Variants in PHYHIPL observed in about 807,000 individuals in gnomAD.
PHYHIPL encodes phytanoyl-CoA 2-hydroxylase interacting protein like.
In PHYHIPL, 9 loss-of-function variants were observed where a neutral mutation model predicts 33.4. The ratio of observed to expected loss-of-function variants is 0.27; its 90% CI spans 0.16 to 0.47. PHYHIPL has a LOEUF of 0.47. Among genes scored for constraint, PHYHIPL ranks in the 20% least tolerant of loss-of-function variants. The pLI is 0.99. For synonymous variants in PHYHIPL, 153 were observed against 154.1 expected, an observed-to-expected ratio of 0.99 and a Z score of 0.05; for missense variants, 365 against 460.7, an observed-to-expected ratio of 0.79 and a Z score of 1.90.
chr10:59,222,928 C>T (rs1012989805), intron 1 of PHYHIPL, among the ~76,000 whole-genome samples: 1 of 152,146 alleles, frequency 6.6e-6, no homozygotes, highest in Non-Finnish European at 1.5e-5. Context: ...AACCTCATTT[C>T]ATACTCATTT....
At chr10:59,206,704 G>A in intron 1 of PHYHIPL, 1 of 869,660 alleles carries the variant, frequency 1.1e-6, no homozygotes, top group South Asian at 1.9e-5. Flanking sequence ...ACAGAAAATT[G>A]TAAAAGTACA....
chr10:59,238,868 C>A, intron 4 of PHYHIPL, 163 bp downstream of exon 4: 1 of 529,308 alleles, frequency 1.9e-6, no homozygotes, highest in Non-Finnish European at 3.3e-6. Context: ...AGAAAAAGAT[C>A]ATGGGATTTT....
At chr10:59,193,359 AT>A (rs1323820248) in intron 1 of PHYHIPL, among the ~76,000 whole-genome samples, 2 of 152,100 alleles carry the variant, frequency 1.3e-5, no homozygotes, top group Non-Finnish European at 2.9e-5. Flanking sequence ...CACTGGATTA[AT>A]TTTTTCCCCT....
intron 1 of PHYHIPL, among the ~76,000 whole-genome samples, chr10:59,229,833 C>T (rs1840026525): frequency 6.6e-6 from 1 of 152,046 alleles, no homozygotes; most frequent in Non-Finnish European, 1.5e-5. Flanking sequence ...CTGGCCAAGA[C>T]TCAGCCATTG....
intron 1 of PHYHIPL, among the ~76,000 whole-genome samples, chr10:59,178,847 C>A (rs1271359967): frequency 6.6e-6 from 1 of 152,038 alleles, no homozygotes; most frequent in African/African-American, 2.4e-5. Context: ...AATTAGGAAT[C>A]CCACAAAATG....
At chr10:59,194,095 T>G (rs1376542544) in intron 1 of PHYHIPL, among the ~76,000 whole-genome samples, 1 of 149,334 alleles carries the variant, frequency 6.7e-6, no homozygotes, top group Admixed American at 6.7e-5. Flanking sequence ...TTTTTTTTTT[T>G]TTTTTTGAGG....
chr10:59,192,923 G>C (rs1403465304), intron 1 of PHYHIPL, among the ~76,000 whole-genome samples: 1 of 152,144 alleles, frequency 6.6e-6, no homozygotes, highest in Non-Finnish European at 1.5e-5. Context: ...GGAATATCTA[G>C]ATGGAAATTT....
intron 1 of PHYHIPL, among the ~76,000 whole-genome samples, chr10:59,196,323 T>G (rs896853282): frequency 6.6e-6 from 1 of 151,098 alleles, no homozygotes; most frequent in African/African-American, 2.4e-5. Flanking sequence ...AAATTGCTAT[T>G]TTGCCCAGTC....
intron 3 of PHYHIPL, among the ~76,000 whole-genome samples, chr10:59,237,566 C>A (rs533896329): frequency 6.6e-6 from 1 of 151,986 alleles, no homozygotes; most frequent in South Asian, 2.1e-4. Flanking sequence ...TTGTCAATAA[C>A]CTTGACTCTA....
At chr10:59,185,139 C>T (rs11006396) in intron 1 of PHYHIPL, among the ~76,000 whole-genome samples, 4 of 151,262 alleles carry the variant, frequency 2.6e-5, no homozygotes, top group South Asian at 2.1e-4. Context: ...TACAGGCGCC[C>T]GCCACTACGC....
At chr10:59,231,214 T>TA (rs1235971484) in intron 1 of PHYHIPL, among the ~76,000 whole-genome samples, 1 of 152,000 alleles carries the variant, frequency 6.6e-6, no homozygotes, top group African/African-American at 2.4e-5. Context: ...AATTGAAACA[T>TA]AAATATGATA....
At chr10:59,233,845 G>T (rs1017281363) in intron 1 of PHYHIPL, among the ~76,000 whole-genome samples, 1 of 151,694 alleles carries the variant, frequency 6.6e-6, no homozygotes, top group Non-Finnish European at 1.5e-5. Flanking sequence ...TGTATATGTA[G>T]TAAAACCATT....
At chr10:59,177,565 G>T (rs897261395) in intron 1 of PHYHIPL, 13 of 1,551,602 alleles carry the variant, frequency 8.4e-6, no homozygotes, top group Non-Finnish European at 1.1e-5. Flanking sequence ...CTCTGAGTCA[G>T]ACTGTCGAAA....
intron 1 of PHYHIPL, among the ~76,000 whole-genome samples, chr10:59,203,547 G>A (rs1839190126): frequency 6.6e-6 from 1 of 151,822 alleles, no homozygotes; most frequent in Non-Finnish European, 1.5e-5. Context: ...ACTGGATTAA[G>A]AAAATGTGGC....
At chr10:59,241,574 G>A (rs1190829898) in intron 4 of PHYHIPL, among the ~76,000 whole-genome samples, 1 of 152,088 alleles carries the variant, frequency 6.6e-6, no homozygotes, top group East Asian at 1.9e-4. Flanking sequence ...GTGTCAAATT[G>A]TATATCCTCA....
chr10:59,178,468 G>A (rs1320831488), intron 1 of PHYHIPL, among the ~76,000 whole-genome samples: 1 of 152,088 alleles, frequency 6.6e-6, no homozygotes, highest in East Asian at 1.9e-4. Flanking sequence ...TTGGATTTTA[G>A]TTTAGACTTT....
chr10:59,190,425 C>A (rs1212923594), intron 1 of PHYHIPL, among the ~76,000 whole-genome samples: 2 of 151,820 alleles, frequency 1.3e-5, no homozygotes, highest in Non-Finnish European at 1.5e-5. Context: ...AGAATCGATT[C>A]ATCAGTCATT....
intron 4 of PHYHIPL, among the ~76,000 whole-genome samples, chr10:59,239,046 G>A (rs1840313312): frequency 6.6e-6 from 1 of 151,782 alleles, no homozygotes; most frequent in African/African-American, 2.4e-5. Context: ...CTTTTCATGG[G>A]TCTTTTTAAG....
chr10:59,208,292 T>G (rs1421369701), intron 1 of PHYHIPL, among the ~76,000 whole-genome samples: 1 of 152,026 alleles, frequency 6.6e-6, no homozygotes, highest in East Asian at 1.9e-4. Context: ...GGATCTGGAG[T>G]GGACCTCCAG....
Sources: allele counts gnomAD v4.1 joint callset (sites outside exome capture counted in the v4.1 genomes callset), GRCh38; gene constraint gnomAD v4.1.1; transcripts MANE v1.5; gene names NCBI Gene and HGNC (gene_info 2026-07-23, HGNC 2026-07-21).